KIF11: variants seen among roughly 807,000 people sequenced by gnomAD.
The protein encoded by KIF11 is kinesin-like protein KIF11.
In KIF11, 9 loss-of-function variants were observed where a neutral mutation model predicts 121.0. That is an observed-to-expected ratio of 0.07 (90% confidence interval 0.04 to 0.13). The LOEUF (loss-of-function observed/expected upper bound fraction) is 0.13. KIF11 is among the 10% of genes least tolerant of loss of function. KIF11 has a pLI of 1.00. For missense variants in KIF11, 846 were observed against 1,217.5 expected (o/e 0.69, Z 4.54); for synonymous variants, 408 against 421.0 (o/e 0.97, Z 0.38).
intron 1 of KIF11, among the ~76,000 whole-genome samples, chr10:92,603,263 CTTTTTTT>C (rs368046931): frequency 2.7e-5 from 3 of 109,172 alleles, no homozygotes; most frequent in South Asian, 3.1e-4. Flanking sequence ...CTTTTCTTTT[CTTTTTTT>C]TTTTTTTTTT....
At chr10:92,624,859 C>T (rs765969748) in intron 10 of KIF11, among the ~76,000 whole-genome samples, 6 of 151,270 alleles carry the variant, frequency 4.0e-5, no homozygotes, top group Non-Finnish European at 8.9e-5. Context: ...AAACTCTGCC[C>T]CCCAGGTTCA....
intron 9 of KIF11, 126 bp downstream of exon 9, chr10:92,616,958 A>T: frequency 1.9e-6 from 1 of 535,216 alleles, no homozygotes; most frequent in South Asian, 2.9e-5. Flanking sequence ...TTATATAGTG[A>T]TTTAAACTAA....
chr10:92,606,166 A>G (rs1844428500), intron 1 of KIF11, 99 bp from the exon 2 acceptor site: 1 of 1,195,906 alleles, frequency 8.4e-7, no homozygotes, highest in African/African-American at 1.5e-5. Context: ...AATGTGGTCA[A>G]AATTTCGCAT....
chr10:92,603,263 C>CTTTTT lies in KIF11; in HGVS notation c.78-2987_78-2983dup, dbSNP rs368046931. Among the ~76,000 whole-genome samples, 775 of 109,098 alleles carry CTTTTT rather than the reference C, an allele frequency of 7.1e-3. 22 individuals are homozygous for CTTTTT. Among genetic ancestry groups the CTTTTT allele is most frequent in the African/African-American group, 0.017 (450 of 27,004 alleles). The allele number at this position is 109,098 out of a possible 152,430, so 71.6% of individuals were successfully genotyped here. The stretch of plus-strand genomic sequence containing the variant: ...CCCTTAAACTGCTTTCTTTTCTTTT[C>CTTTTT]TTTTTTTTTTTTTTTTTTTGAGACA... On this transcript the variant is annotated intron_variant, in intron 1 of 21. Transcript: ENST00000260731.
chr10:92,607,251 A>G lies in KIF11; in HGVS notation c.387+14A>G. The stretch of plus-strand genomic sequence containing the variant: ...ACCTGGGAAGAGGTATTTATTGTTT[A>G]TAACATACTTTTATCTCTAATGTGA... On this transcript the variant is annotated intron_variant, in intron 4 of 21. Transcript: ENST00000260731. The G allele has an allele frequency of 6.8e-7, 1 of 1,473,060 alleles. No homozygotes were observed. Among genetic ancestry groups the G allele is most frequent in the African/African-American group, 1.4e-5 (1 of 72,556 alleles). The allele number at this position is 1,473,060 out of a possible 1,614,324, so 91.2% of individuals were successfully genotyped here.
chr10:92,634,546 T>C (rs949417866), intron 14 of KIF11, among the ~76,000 whole-genome samples: 7 of 152,176 alleles, frequency 4.6e-5, no homozygotes, highest in African/African-American at 1.7e-4. Context: ...AGCGCTGGGA[T>C]TACAGGCGTG....
intron 21 of KIF11, 83 bp downstream of exon 21, chr10:92,650,600 C>A: frequency 2.5e-6 from 2 of 800,634 alleles, no homozygotes; most frequent in Non-Finnish European, 4.3e-6. Flanking sequence ...TCGTGGTGAG[C>A]AGAACAACAA....
chr10:92,606,209 A>G lies in KIF11; in HGVS notation c.78-56A>G, dbSNP rs1433717392. 8 of 1,479,532 alleles carry G rather than the reference A, an allele frequency of 5.4e-6. No homozygotes were observed. In the African/African-American group the frequency reaches 8.5e-5, roughly 16 times the overall value. The allele number at this position is 1,479,532 out of a possible 1,614,324, so 91.7% of individuals were successfully genotyped here. A position where few individuals can be genotyped will look rare whatever the true frequency, so the allele number is the denominator to read the frequency against. On this transcript the variant is annotated intron_variant, in intron 1 of 21. Transcript: ENST00000260731. ...GACAAATGTAGTTAGTGAAAATGTCATTGATAACCTGAGAACTAAGAGCTC... is the reference window on the plus strand; with the variant it reads ...GACAAATGTAGTTAGTGAAAATGTCGTTGATAACCTGAGAACTAAGAGCTC...
At position 92,647,817 on chromosome 10, in the gene KIF11, A is replaced by T. The variant is rs947297251; in HGVS notation, c.2548-395A>T. 2.6e-5 allele frequency among the ~76,000 whole-genome samples: 4 copies of T among 152,090 alleles called. No individual in the cohort carries two copies. In the South Asian group the frequency reaches 6.2e-4, roughly 24 times the overall value. ...TCTCTCTACTTTTGTATGTGTTTTT[A>T]AATCTTTTATTACTGAAGGCCAGGT... On this transcript the variant is annotated intron_variant, in intron 18 of 21. Coordinates refer to ENST00000260731, the MANE Select transcript of KIF11 (RefSeq NM_004523.4).
chr10:92,613,566 C>A lies in KIF11; in HGVS notation c.979C>A (p.Arg327Ser). ...TRILQDSLGG[R>S]TRTSIIATIS... ...AATCCTCCAGGATTCTCTTGGAGGGCGTACAAGAACATCTATAATTGCAAC... is the reference window on the plus strand; with the variant it reads ...AATCCTCCAGGATTCTCTTGGAGGGAGTACAAGAACATCTATAATTGCAAC... The change falls in exon 8 of 22, where the codon CGT becomes AGT. Residue 327 changes from arginine to serine, a missense_variant. Coordinates refer to ENST00000260731, the MANE Select transcript of KIF11 (RefSeq NM_004523.4). The surrounding 1 kb of genome is among the most constrained non-coding windows in gnomAD (Gnocchi z 4.2). 6.2e-7 allele frequency: 1 copy of A among 1,611,954 alleles called. No individual in the cohort carries two copies. Among genetic ancestry groups the A allele is most frequent in the South Asian group, 1.1e-5 (1 of 91,044 alleles).
chr10:92,631,083 C>T lies in KIF11; in HGVS notation c.1494+719C>T, dbSNP rs550958724. On this transcript the variant is annotated intron_variant, in intron 12 of 21. Coordinates refer to ENST00000260731, the MANE Select transcript of KIF11 (RefSeq NM_004523.4). ...GGTGGATTGCTTGAGGTTAGGAGTT[C>T]GAGACCAGCCTGACCAACATGGTAA... 2.4e-3 allele frequency among the ~76,000 whole-genome samples: 357 copies of T among 149,476 alleles called. 2 individuals carry two copies. Among genetic ancestry groups the T allele is most frequent in the East Asian group, 9.7e-3 (48 of 4,934 alleles).
chr10:92,612,084 A>C (rs1351798366), intron 6 of KIF11, among the ~76,000 whole-genome samples: 1 of 113,798 alleles, frequency 8.8e-6, no homozygotes, highest in African/African-American at 6.6e-5. Context: ...CCCTAAGATA[A>C]AAAGCACAGT....
chr10:92,629,030 G>T, intron 11 of KIF11, 135 bp downstream of exon 11: 1 of 544,300 alleles, frequency 1.8e-6, no homozygotes, highest in African/African-American at 1.9e-5. Flanking sequence ...ACCCAGGCTG[G>T]AGTGCAATAG....
In KIF11 at chr10:92,613,207, A is replaced by G; in HGVS notation, c.789+77A>G. On this transcript the variant is annotated intron_variant, in intron 7 of 21. Transcript: ENST00000260731. The surrounding 1 kb of genome is among the most constrained non-coding windows in gnomAD (Gnocchi z 4.2). ...AGCTTGAAATTTTGTCCTTGAGACA[A>G]AATTTTTGTGGTCACTGGGTGATTA... 7.9e-7 allele frequency: 1 copy of G among 1,263,860 alleles called. No individual in the cohort carries two copies. Among genetic ancestry groups the G allele is most frequent in the Non-Finnish European group, 1.1e-6 (1 of 902,412 alleles). 78.3% of individuals were successfully genotyped at this position (1,263,860 alleles called of 1,614,324 possible). A position where few individuals can be genotyped will look rare whatever the true frequency, so the allele number is the denominator to read the frequency against.
chr10:92,601,253 T>G (rs975082489), intron 1 of KIF11, among the ~76,000 whole-genome samples: 3 of 152,094 alleles, frequency 2.0e-5, no homozygotes, highest in African/African-American at 7.2e-5. Flanking sequence ...CAGGCTGGAA[T>G]GCAGTGGTGC....
chr10:92,616,029 G>A (rs1306344315), intron 8 of KIF11, among the ~76,000 whole-genome samples: 1 of 151,680 alleles, frequency 6.6e-6, no homozygotes, highest in East Asian at 1.9e-4. Context: ...GGTGGAGACA[G>A]GGTTTCACCA....
At chr10:92,599,898 G>T (rs558326507) in intron 1 of KIF11, among the ~76,000 whole-genome samples, 1 of 148,998 alleles carries the variant, frequency 6.7e-6, no homozygotes, top group South Asian at 2.1e-4. Flanking sequence ...TGATCCACCT[G>T]CCTCAGCCTC....
intron 1 of KIF11, among the ~76,000 whole-genome samples, chr10:92,598,771 T>G (rs972717206): frequency 4.6e-5 from 7 of 151,512 alleles, no homozygotes; most frequent in Middle Eastern, 3.5e-3. Flanking sequence ...CTGCCAGCAG[T>G]TTTTTTTTGT....
At position 92,637,212 on chromosome 10, in the gene KIF11, C is replaced by T. The variant is rs777764323; in HGVS notation, c.1904C>T (p.Ser635Leu). Residue 635 changes from serine to leucine, a missense_variant, in exon 15 of 22, where the codon TCA (serine) becomes TTA (leucine). Around this residue, in one of 5 missense-constraint regions of KIF11, gnomAD observed 492 missense variants for 603.4 expected, o/e 0.82. Transcript: ENST00000260731. The part of the protein sequence containing the change: ...INVLKTDLLS[S>L]LEMILSPTVV... Reference sequence around the variant, plus strand: ...GTACTCAAGACTGATCTTCTAAGTTCACTGGAAATGATTTTATCCCCAACT... The same window carrying T: ...GTACTCAAGACTGATCTTCTAAGTTTACTGGAAATGATTTTATCCCCAACT... 1 of 1,585,362 alleles carries T rather than the reference C, an allele frequency of 6.3e-7. No individual in the cohort carries two copies. The highest frequency in any genetic ancestry group is 1.2e-5 in the South Asian group (1 of 85,542).
Sources: gnomAD v4.1 joint callset for allele counts (sites outside exome capture counted in the v4.1 genomes callset) on GRCh38, gnomAD v4.1.1 for gene constraint, gnomAD v4.1.1 regional missense constraint, Gnocchi (gnomAD v3.1) non-coding constraint, MANE v1.5 for transcripts, NCBI Gene and HGNC (gene_info 2026-07-23, HGNC 2026-07-21) for gene names.